Variants in TBC1D22A observed in about 807,000 individuals in gnomAD.
TBC1D22A encodes the protein putative GTPase activator.
A neutral mutation model predicts 60.2 loss-of-function variants in TBC1D22A; 38 were observed. The observed-to-expected ratio is 0.63, with a 90% CI of 0.49 to 0.83. TBC1D22A has a LOEUF of 0.83. Among genes scored for constraint, TBC1D22A ranks in the 40% least tolerant of loss-of-function variants. The probability of loss-of-function intolerance (pLI) is 0.00; values close to 1 mark genes in which losing one functional copy is unlikely to be tolerated. For synonymous variants in TBC1D22A, 302 were observed against 281.7 expected, an observed-to-expected ratio of 1.07 and a Z score of -0.72; for missense variants, 628 against 701.0, an observed-to-expected ratio of 0.90 and a Z score of 1.18.
intron 12 of TBC1D22A, among the ~76,000 whole-genome samples, chr22:47,112,343 C>G (rs1279553906): frequency 6.6e-6 from 1 of 152,224 alleles, no homozygotes; most frequent in African/African-American, 2.4e-5. Flanking sequence ...AAGACCCCAG[C>G]AGTGGGAAGC....
intron 10 of TBC1D22A, among the ~76,000 whole-genome samples, chr22:47,012,760 G>T (rs1240672159): frequency 1.3e-5 from 2 of 152,210 alleles, no homozygotes; most frequent in African/African-American, 2.4e-5. Flanking sequence ...GACAAAAGGA[G>T]TAGCTTATTC....
At chr22:47,042,927 G>A (rs976527996) in intron 11 of TBC1D22A, among the ~76,000 whole-genome samples, 29 of 152,216 alleles carry the variant, frequency 1.9e-4, no homozygotes, top group Non-Finnish European at 7.3e-5. Flanking sequence ...GCTGGAGGTG[G>A]GGCCTGCACT....
At chr22:46,880,827 G>C (rs969840414) in intron 5 of TBC1D22A, among the ~76,000 whole-genome samples, 8 of 152,166 alleles carry the variant, frequency 5.3e-5, no homozygotes, top group Admixed American at 4.6e-4. Context: ...ACGGATGAAC[G>C]TGGTGGTTCT....
chr22:46,792,530 G>A lies in TBC1D22A; in HGVS notation c.73G>A (p.Val25Met), dbSNP rs759936733. Reference protein sequence around the residue: ...NSKLPGSIQHVYGAQHPPFDP... With the variant: ...NSKLPGSIQHMYGAQHPPFDP... ...TTTCTTTTCCATCAGCATCCAGCAC[G>A]TGTATGGTGCCCAGCACCCCCCCTT... The change falls in exon 2 of 13, where the codon GTG (valine) becomes ATG (methionine). Residue 25 changes from valine (V) to methionine (M), a missense_variant. Physicochemically the swap from Val to Met is conservative, Grantham distance 21. Coordinates refer to ENST00000337137, the MANE Select transcript of TBC1D22A (RefSeq NM_014346.5). The A allele has an allele frequency of 3.7e-6, 6 of 1,614,100 alleles. No homozygotes were observed. The highest frequency in any genetic ancestry group is 1.3e-5 in the African/African-American group (1 of 74,936).
chr22:46,800,599 GCT>G, intron 4 of TBC1D22A, among the ~76,000 whole-genome samples: 1 of 152,300 alleles, frequency 6.6e-6, no homozygotes, highest in East Asian at 1.9e-4. Flanking sequence ...TGATGATCCT[GCT>G]CTCAGAGTTC....
At chr22:46,976,341 C>T (rs752073339) in intron 9 of TBC1D22A, among the ~76,000 whole-genome samples, 16 of 152,168 alleles carry the variant, frequency 1.1e-4, no homozygotes, top group Non-Finnish European at 2.2e-4. Context: ...AGCCGTTGAT[C>T]TTCTCTCACG....
chr22:47,147,834 G>A (rs1415370906), intron 12 of TBC1D22A, among the ~76,000 whole-genome samples: 1 of 152,238 alleles, frequency 6.6e-6, no homozygotes, highest in Non-Finnish European at 1.5e-5. Context: ...AGAGCCAGCG[G>A]GGAGCTAGGC....
intron 11 of TBC1D22A, among the ~76,000 whole-genome samples, chr22:47,069,181 T>C (rs1164423381): frequency 6.6e-6 from 1 of 152,310 alleles, no homozygotes; most frequent in South Asian, 2.1e-4. Flanking sequence ...CAAAAGCAAG[T>C]TTTTAGAGGA....
chr22:47,111,361 T>C, intron 11 of TBC1D22A, 147 bp from the exon 12 acceptor site: 1 of 639,546 alleles, frequency 1.6e-6, no homozygotes, highest in East Asian at 2.8e-5. Flanking sequence ...ATTTTGAAAT[T>C]AAGGCATTAA....
intron 7 of TBC1D22A, among the ~76,000 whole-genome samples, chr22:46,897,906 TAA>T (rs10714103): frequency 1.3e-5 from 2 of 151,032 alleles, no homozygotes; most frequent in African/African-American, 4.9e-5. Flanking sequence ...GTAAATCTGT[TAA>T]AAAAAAACTT....
chr22:47,170,207 A>T (rs2068378446), intron 12 of TBC1D22A, among the ~76,000 whole-genome samples: 1 of 152,172 alleles, frequency 6.6e-6, no homozygotes, highest in Non-Finnish European at 1.5e-5. Flanking sequence ...AGAACTGGGC[A>T]TTTCTATTCT....
intron 11 of TBC1D22A, among the ~76,000 whole-genome samples, chr22:47,085,286 A>G (rs1263331788): frequency 6.6e-6 from 1 of 152,204 alleles, no homozygotes; most frequent in Non-Finnish European, 1.5e-5. Flanking sequence ...TCTTATAAAT[A>G]TATACATATA....
At chr22:47,082,701 A>T (rs983770534) in intron 11 of TBC1D22A, among the ~76,000 whole-genome samples, 5 of 152,236 alleles carry the variant, frequency 3.3e-5, no homozygotes, top group Non-Finnish European at 5.9e-5. Context: ...GCCCTCCTTA[A>T]TGGCTAAAAA....
chr22:47,005,807 T>A (rs1959924519), intron 10 of TBC1D22A, among the ~76,000 whole-genome samples: 1 of 147,730 alleles, frequency 6.8e-6, no homozygotes, highest in Non-Finnish European at 1.5e-5. Flanking sequence ...ATATACACAC[T>A]CTCCATATAC....
At chr22:46,805,859 T>C (rs1193120496) in intron 4 of TBC1D22A, among the ~76,000 whole-genome samples, 1 of 151,212 alleles carries the variant, frequency 6.6e-6, no homozygotes, top group Non-Finnish European at 1.5e-5. Context: ...TCTTCTTTTT[T>C]TTCTTTATTT....
At chr22:47,082,616 CA>C (rs1380012781) in intron 11 of TBC1D22A, among the ~76,000 whole-genome samples, 2 of 152,220 alleles carry the variant, frequency 1.3e-5, no homozygotes, top group African/African-American at 4.8e-5. Context: ...GGCCAACAAA[CA>C]CTTGAAAAAG....
At chr22:46,841,073 T>TGTGTGTGTGTGTGA (rs35099198) in intron 4 of TBC1D22A, among the ~76,000 whole-genome samples, 136 of 148,658 alleles carry the variant, frequency 9.1e-4, no homozygotes, top group African/African-American at 3.1e-3. Flanking sequence ...TGTGTGTGTG[T>TGTGTGTGTGTGTGA]GAGAGAGAGA....
At chr22:46,769,897 A>C (rs1410210077) in intron 1 of TBC1D22A, among the ~76,000 whole-genome samples, 1 of 152,020 alleles carries the variant, frequency 6.6e-6, no homozygotes, top group South Asian at 2.1e-4. Context: ...CTCAGGATTC[A>C]CTGATGGGCG....
chr22:47,172,153 C>T (rs376166274), intron 12 of TBC1D22A, among the ~76,000 whole-genome samples: 58 of 152,100 alleles, frequency 3.8e-4, no homozygotes, highest in Admixed American at 6.5e-4. Flanking sequence ...TGTGCCCGCC[C>T]GGTGTTCCCA....
Sources: gnomAD v4.1 joint callset for allele counts (sites outside exome capture counted in the v4.1 genomes callset) on GRCh38, gnomAD v4.1.1 for gene constraint, MANE v1.5 for transcripts, NCBI Gene and HGNC (gene_info 2026-07-23, HGNC 2026-07-21) for gene names.